Variants in FRYL observed in about 807,000 individuals in gnomAD.
FRYL encodes FRY like transcription coactivator.
Under a neutral mutation model 351.2 loss-of-function variants are expected in FRYL, and 150 were observed. The observed-to-expected ratio is 0.43, with a 90% confidence interval of 0.37 to 0.49. The LOEUF is 0.49. FRYL is among the 20% of genes least tolerant of loss of function. The pLI, the probability that FRYL is intolerant of heterozygous loss-of-function variation, is 0.00. For missense variants in FRYL, 3,036 were observed against 3,619.3 expected, an observed-to-expected ratio of 0.84 and a Z score of 4.13; for synonymous variants, 1,153 against 1,257.1, an observed-to-expected ratio of 0.92 and a Z score of 1.75.
intron 1 of FRYL, among the ~76,000 whole-genome samples, chr4:48,741,658 T>G (rs928748537): frequency 1.3e-5 from 2 of 152,080 alleles, no homozygotes; most frequent in Non-Finnish European, 2.9e-5. Context: ...ATGGCGCCAC[T>G]ATACTCCATC....
intron 48 of FRYL, among the ~76,000 whole-genome samples, chr4:48,535,325 A>G (rs1406976126): frequency 6.6e-6 from 1 of 152,126 alleles, no homozygotes; most frequent in Non-Finnish European, 1.5e-5. Flanking sequence ...GGTAAAGTGT[A>G]TATTATTTTG....
At chr4:48,713,516 G>C (rs1768361446) in intron 1 of FRYL, among the ~76,000 whole-genome samples, 1 of 152,092 alleles carries the variant, frequency 6.6e-6, no homozygotes, top group Non-Finnish European at 1.5e-5. Flanking sequence ...GATCAAAAGA[G>C]ACAAAGAAGG....
chr4:48,562,824 G>A, intron 32 of FRYL, 65 bp downstream of exon 32: 1 of 911,132 alleles, frequency 1.1e-6, no homozygotes, highest in Non-Finnish European at 1.8e-6. Flanking sequence ...TTAATAGCAA[G>A]ACTAAATTAT....
intron 1 of FRYL, among the ~76,000 whole-genome samples, chr4:48,749,674 T>A (rs1773049472): frequency 6.6e-6 from 1 of 152,170 alleles, no homozygotes; most frequent in African/African-American, 2.4e-5. Flanking sequence ...GCATAGAGAA[T>A]GTTCTGGCTG....
chr4:48,525,432 C>T (rs1725895642), intron 53 of FRYL, among the ~76,000 whole-genome samples: 1 of 152,130 alleles, frequency 6.6e-6, no homozygotes, highest in South Asian at 2.1e-4. Flanking sequence ...CACATCCTCA[C>T]ATCTGCAGGG....
chr4:48,676,583 G>C (rs1277586818), intron 3 of FRYL, among the ~76,000 whole-genome samples: 3 of 151,410 alleles, frequency 2.0e-5, no homozygotes, highest in East Asian at 3.9e-4. Flanking sequence ...ATTAGAGACG[G>C]GGTTTCACTG....
intron 29 of FRYL, 137 bp downstream of exon 29, chr4:48,565,387 ATATAACT>A (rs1736550609): frequency 5.7e-6 from 3 of 525,754 alleles, no homozygotes; most frequent in Non-Finnish European, 3.1e-6. Context: ...ATGTATTTAA[ATATAACT>A]TATGGTATAA....
chr4:48,701,710 C>T (rs140435032), intron 2 of FRYL, among the ~76,000 whole-genome samples: 2 of 152,244 alleles, frequency 1.3e-5, no homozygotes, highest in East Asian at 1.9e-4. Flanking sequence ...GAAAGATACA[C>T]GCTAAGAAGT....
Position 48,573,227 on chromosome 4 carries a change from A to G in FRYL, c.2863T>C (p.Leu955=), listed in dbSNP as rs1169627824. ...PGAFRELIEE[L]HPIIKEALER... Reference sequence around the variant, plus strand: ...AGTGCTTCTTTAATTATGGGATGTAATTCCTCTATTAGTTCCCTGGAAGAA... The same window carrying G: ...AGTGCTTCTTTAATTATGGGATGTAGTTCCTCTATTAGTTCCCTGGAAGAA... The change falls in exon 26 of 64, where the codon TTA becomes CTA. Residue 955 remains leucine, a synonymous_variant. Transcript: ENST00000358350. 1.9e-6 allele frequency: 3 copies of G among 1,610,942 alleles called. No individual in the cohort carries two copies. The African/African-American group carries it at 4.0e-5, about 22-fold the overall frequency.
intron 4 of FRYL, among the ~76,000 whole-genome samples, chr4:48,624,509 G>A (rs774506327): frequency 9.9e-5 from 15 of 152,242 alleles, no homozygotes; most frequent in African/African-American, 2.4e-4. Flanking sequence ...AATTAGTATA[G>A]AAAGATCACC....
At chr4:48,676,199 A>C (rs1049708292) in intron 3 of FRYL, among the ~76,000 whole-genome samples, 4 of 152,146 alleles carry the variant, frequency 2.6e-5, no homozygotes, top group Non-Finnish European at 5.9e-5. Context: ...GTCCCCTTCC[A>C]CACTGTGGAA....
Position 48,589,884 on chromosome 4 carries a change from G to C in FRYL, c.1508-7C>G, listed in dbSNP as rs774008727. On this transcript the variant is annotated splice_polypyrimidine_tract_variant and splice_region_variant and intron_variant, in intron 17 of 63. Coordinates refer to ENST00000358350, the MANE Select transcript of FRYL (RefSeq NM_015030.2). The stretch of plus-strand genomic sequence containing the variant: ...GGATAGTAAACTGACATTCCTAGGG[G>C]AAAAAACTTCACAGTTATAAAATAT... The C allele has an allele frequency of 2.6e-5, 41 of 1,602,584 alleles. No individual in the cohort carries two copies. The highest frequency in any genetic ancestry group is 3.3e-5 in the Non-Finnish European group (39 of 1,173,352).
chr4:48,701,153 A>AT, intron 2 of FRYL, among the ~76,000 whole-genome samples: 2 of 152,318 alleles, frequency 1.3e-5, no homozygotes, highest in South Asian at 4.1e-4. Flanking sequence ...TTTCTACTAT[A>AT]TTTCAGATAA....
chr4:48,649,876 G>A (rs1362544131), intron 3 of FRYL, among the ~76,000 whole-genome samples: 1 of 152,052 alleles, frequency 6.6e-6, no homozygotes, highest in African/African-American at 2.4e-5. Context: ...GCACGCAAAT[G>A]CATCTTATAA....
chr4:48,699,953 T>C (rs1004602665), intron 2 of FRYL, among the ~76,000 whole-genome samples: 2 of 152,036 alleles, frequency 1.3e-5, no homozygotes, highest in African/African-American at 4.8e-5. Flanking sequence ...TTTATTAGAG[T>C]AAAGCAAAAA....
rs148932443 is a variant in FRYL, at chr4:48,709,210, G to A, written c.-204+1309C>T. On this transcript the variant is annotated intron_variant, in intron 2 of 63. Coordinates refer to ENST00000358350, the MANE Select transcript of FRYL (RefSeq NM_015030.2). Reference sequence around the variant, plus strand: ...GCTGGGATTACAGGCATGAGCCACCGCACCCAGCCCTAGGTATCTGTGTTT... The same window carrying A: ...GCTGGGATTACAGGCATGAGCCACCACACCCAGCCCTAGGTATCTGTGTTT... Among the ~76,000 whole-genome samples, 994 of 152,218 alleles carry A rather than the reference G, an allele frequency of 6.5e-3. 7 individuals are homozygous for A. The highest frequency in any genetic ancestry group is 0.011 in the Non-Finnish European group (767 of 67,998).
chr4:48,714,592 T>G lies in FRYL; in HGVS notation c.-383-3894A>C, dbSNP rs918978556. ...ACCAGGAAGAAGTTGAATCTCTGAA[T>G]AGACCAATAACAGGAGCTGAAATTG... On this transcript the variant is annotated intron_variant, in intron 1 of 63. Coordinates refer to ENST00000358350, the MANE Select transcript of FRYL (RefSeq NM_015030.2). Among the ~76,000 whole-genome samples the G allele has an allele frequency of 4.0e-5, 6 of 149,584 alleles. No homozygotes were observed. The East Asian group carries it at 1.2e-3, about 29-fold the overall frequency.
rs1410783107 is a variant in FRYL, at chr4:48,498,422, G to T, written c.*1000C>A. On this transcript the variant is annotated 3_prime_UTR_variant, in exon 64 of 64. Transcript: ENST00000358350. The stretch of plus-strand genomic sequence containing the variant: ...GGCACAAATGTACAAGAAAATAACT[G>T]GTTTTAGTCTCTACAGTTTCTATAT... 1 of 152,382 alleles carries T rather than the reference G, an allele frequency of 6.6e-6. No individual in the cohort carries two copies. The highest frequency in any genetic ancestry group is 1.5e-5 in the Non-Finnish European group (1 of 68,004). The allele number at this position is 152,382 out of a possible 1,614,324, so 9.4% of individuals were successfully genotyped here.
At chr4:48,595,211 T>C (rs1744356181) in intron 15 of FRYL, among the ~76,000 whole-genome samples, 1 of 152,248 alleles carries the variant, frequency 6.6e-6, no homozygotes, top group Non-Finnish European at 1.5e-5. Flanking sequence ...AGCCCTACTA[T>C]AAATTCTCTG....
Sources: allele counts gnomAD v4.1 joint callset (sites outside exome capture counted in the v4.1 genomes callset), GRCh38; gene constraint gnomAD v4.1.1; transcripts MANE v1.5; gene names NCBI Gene and HGNC (gene_info 2026-07-23, HGNC 2026-07-21).